Variants in FSTL4 observed in about 807,000 individuals in gnomAD.
FSTL4 encodes follistatin like 4, also known as follistatin-related protein 4.
In FSTL4, 28 loss-of-function variants were observed where a neutral mutation model predicts 78.2. That is an observed-to-expected ratio of 0.36 (90% CI 0.27 to 0.49). FSTL4 has a LOEUF of 0.49. FSTL4 is among the 20% of genes least tolerant of loss of function. FSTL4 has a pLI of 0.98. For missense variants in FSTL4, 922 were observed against 1,084.9 expected (o/e 0.85, Z 2.11); for synonymous variants, 422 against 440.5 (o/e 0.96, Z 0.53).
At chr5:133,709,334 T>A in the FSTL4 span, among the ~76,000 whole-genome samples, 1 of 152,262 alleles carries the variant, frequency 6.6e-6, no homozygotes, top group Non-Finnish European at 1.5e-5. Flanking sequence ...TGTTGTCAGA[T>A]AAACCACATT....
intron 3 of FSTL4, among the ~76,000 whole-genome samples, chr5:133,505,230 T>C (rs970377654): frequency 1.3e-5 from 2 of 152,146 alleles, no homozygotes; most frequent in Non-Finnish European, 2.9e-5. Context: ...ATATTCAATT[T>C]TTTCTAAAAA....
chr5:133,815,976 A>T, the FSTL4 span, among the ~76,000 whole-genome samples: 1 of 152,256 alleles, frequency 6.6e-6, no homozygotes, highest in Admixed American at 6.5e-5. Context: ...CATTTAAAGC[A>T]AAACATAATG....
chr5:133,231,939 A>T (rs975898152), intron 8 of FSTL4, among the ~76,000 whole-genome samples: 1 of 152,232 alleles, frequency 6.6e-6, no homozygotes, highest in African/African-American at 2.4e-5. Context: ...CCAATGTGAA[A>T]GGCAGCGTAA....
At chr5:133,593,032 T>C (rs958444832) in intron 2 of FSTL4, among the ~76,000 whole-genome samples, 1 of 152,064 alleles carries the variant, frequency 6.6e-6, no homozygotes, top group African/African-American at 2.4e-5. Flanking sequence ...AGACCTCCAA[T>C]AGGACAGTTT....
chr5:133,750,638 C>T, the FSTL4 span, among the ~76,000 whole-genome samples: 38 of 152,158 alleles, frequency 2.5e-4, no homozygotes, highest in Non-Finnish European at 2.8e-4. Context: ...AGAAGCCCAC[C>T]TCCAGGGGCC....
intron 3 of FSTL4, among the ~76,000 whole-genome samples, chr5:133,557,325 C>T (rs1759811219): frequency 6.6e-6 from 1 of 152,230 alleles, no homozygotes; most frequent in Non-Finnish European, 1.5e-5. Flanking sequence ...GCTTTTCAGG[C>T]ACTCAGAATC....
the FSTL4 span, among the ~76,000 whole-genome samples, chr5:133,835,317 C>T: frequency 1.9e-3 from 294 of 152,322 alleles, 1 homozygote; most frequent in Non-Finnish European, 2.8e-3. Flanking sequence ...GGGCATCTCA[C>T]AGCCAATACC....
intron 7 of FSTL4, among the ~76,000 whole-genome samples, chr5:133,242,704 G>T (rs1751915913): frequency 6.6e-6 from 1 of 152,148 alleles, no homozygotes; most frequent in African/African-American, 2.4e-5. Flanking sequence ...TACTCCCAAT[G>T]GTTTGAGCAC....
intron 3 of FSTL4, among the ~76,000 whole-genome samples, chr5:133,423,021 G>A (rs1328705446): frequency 1.3e-5 from 2 of 152,252 alleles, no homozygotes; most frequent in Non-Finnish European, 2.9e-5. Context: ...CAAGAAACAG[G>A]TCAGTGCTGT....
chr5:133,398,898 G>C (rs6596125), intron 4 of FSTL4, among the ~76,000 whole-genome samples: 31,330 of 152,078 alleles, frequency 0.21, 5,806 homozygotes, highest in African/African-American at 0.5. Flanking sequence ...AACTCACAAT[G>C]TGTGAAAACC....
chr5:133,601,686 CTT>C (rs1325674595), intron 2 of FSTL4, among the ~76,000 whole-genome samples: 3 of 132,064 alleles, frequency 2.3e-5, no homozygotes, highest in African/African-American at 9.1e-5. Context: ...TTCTTTCTTT[CTT>C]TTTTTTTTTT....
chr5:133,644,270 T>C, the FSTL4 span, among the ~76,000 whole-genome samples: 1 of 152,178 alleles, frequency 6.6e-6, no homozygotes, highest in Non-Finnish European at 1.5e-5. Flanking sequence ...ATCCTTTTCT[T>C]TGTTCCAACT....
At chr5:133,526,201 T>C (rs1244945520) in intron 3 of FSTL4, among the ~76,000 whole-genome samples, 1 of 152,194 alleles carries the variant, frequency 6.6e-6, no homozygotes, top group Non-Finnish European at 1.5e-5. Flanking sequence ...CTACGGTAAA[T>C]GATCAATACA....
intron 6 of FSTL4, among the ~76,000 whole-genome samples, chr5:133,307,541 C>T (rs1377377866): frequency 6.6e-6 from 1 of 152,146 alleles, no homozygotes; most frequent in Non-Finnish European, 1.5e-5. Flanking sequence ...ATGTTAAATG[C>T]TGGGTATCAC....
the FSTL4 span, among the ~76,000 whole-genome samples, chr5:133,633,421 T>C: frequency 2.0e-5 from 3 of 152,194 alleles, no homozygotes; most frequent in Non-Finnish European, 2.9e-5. Flanking sequence ...TTCATTAAAT[T>C]TTTTATTTGT....
chr5:133,400,477 C>A (rs1310828141), intron 4 of FSTL4, among the ~76,000 whole-genome samples: 3 of 152,196 alleles, frequency 2.0e-5, no homozygotes, highest in Non-Finnish European at 2.9e-5. Context: ...CCCTAGTGAA[C>A]CTGTACCAGC....
chr5:133,334,541 G>C (rs115429189), intron 4 of FSTL4, among the ~76,000 whole-genome samples: 4 of 152,162 alleles, frequency 2.6e-5, no homozygotes, highest in Non-Finnish European at 5.9e-5. Flanking sequence ...TGCTGGTTAC[G>C]CAGATATGTT....
At chr5:133,624,931 T>C in the FSTL4 span, among the ~76,000 whole-genome samples, 16,681 of 151,722 alleles carry the variant, frequency 0.11, 1,198 homozygotes, top group African/African-American at 0.21. Context: ...TTCATTTATT[T>C]AGAGCGTCTC....
chr5:133,201,657 T>C (rs1334564374), intron 15 of FSTL4, among the ~76,000 whole-genome samples: 1 of 152,206 alleles, frequency 6.6e-6, no homozygotes, highest in Non-Finnish European at 1.5e-5. Flanking sequence ...TCTGCTGTCT[T>C]TACCTTAAGG....
Sources: allele counts gnomAD v4.1 joint callset (sites outside exome capture counted in the v4.1 genomes callset), GRCh38; gene constraint gnomAD v4.1.1; transcripts MANE v1.5; gene names NCBI Gene and HGNC (gene_info 2026-07-23, HGNC 2026-07-21).